PRIMPOL: variants seen among roughly 807,000 people sequenced by gnomAD.
The protein encoded by PRIMPOL is DNA-directed primase/polymerase protein.
Under a neutral mutation model 63.6 loss-of-function variants are expected in PRIMPOL, and 54 were observed. The observed-to-expected ratio is 0.85, with a 90% confidence interval of 0.68 to 1.07. PRIMPOL has a LOEUF of 1.07. PRIMPOL is among the 50% of genes least tolerant of loss of function. The pLI, the probability that PRIMPOL is intolerant of heterozygous loss-of-function variation, is 0.00. For missense variants in PRIMPOL, 610 were observed against 648.3 expected, an observed-to-expected ratio of 0.94 and a Z score of 0.64; for synonymous variants, 197 against 220.2, an observed-to-expected ratio of 0.89 and a Z score of 0.93.
intron 11 of PRIMPOL, among the ~76,000 whole-genome samples, chr4:184,686,950 C>A (rs560053865): frequency 4.1e-4 from 63 of 152,258 alleles, no homozygotes; most frequent in Non-Finnish European, 7.1e-4. Flanking sequence ...TTTTTCTATG[C>A]GTATTAACTT....
At chr4:184,678,453 G>A (rs923361545) in intron 8 of PRIMPOL, 59 bp downstream of exon 8, 8 of 1,221,636 alleles carry the variant, frequency 6.5e-6, no homozygotes, top group Non-Finnish European at 9.2e-6. Context: ...AACAGTGAAT[G>A]GCATTGTATA....
chr4:184,660,111 G>A (rs1482066649), intron 4 of PRIMPOL, among the ~76,000 whole-genome samples: 2 of 151,542 alleles, frequency 1.3e-5, no homozygotes, highest in Non-Finnish European at 2.9e-5. Context: ...GTGAGCCACT[G>A]TACCTGGCTT....
chr4:184,682,465 A>G, intron 9 of PRIMPOL, 129 bp downstream of exon 9: 2 of 548,464 alleles, frequency 3.6e-6, no homozygotes, highest in Non-Finnish European at 6.6e-6. Context: ...CTCCTGCCTC[A>G]GCCTCCGGAG....
chr4:184,654,748 G>A (rs1165235189), intron 2 of PRIMPOL, among the ~76,000 whole-genome samples: 14 of 152,014 alleles, frequency 9.2e-5, no homozygotes, highest in Admixed American at 3.9e-4. Flanking sequence ...CACCGCGCCC[G>A]GCTGAAGCAG....
chr4:184,658,053 CA>C (rs1338246703), intron 3 of PRIMPOL, among the ~76,000 whole-genome samples: 1 of 144,058 alleles, frequency 6.9e-6, no homozygotes, highest in Non-Finnish European at 1.5e-5. Context: ...AATCAAGCAA[CA>C]GATGTGTATT....
intron 7 of PRIMPOL, among the ~76,000 whole-genome samples, chr4:184,673,261 C>T (rs1355470315): frequency 6.6e-6 from 1 of 151,446 alleles, no homozygotes; most frequent in Non-Finnish European, 1.5e-5. Flanking sequence ...TCCGGAGTAG[C>T]TGGGACTACA....
intron 6 of PRIMPOL, among the ~76,000 whole-genome samples, 185 bp from the exon 7 acceptor site, chr4:184,671,988 C>A (rs953778670): frequency 1.3e-5 from 2 of 152,162 alleles, no homozygotes; most frequent in East Asian, 1.9e-4. Context: ...GATCCGCCCG[C>A]CTCGGCCTCC....
intron 11 of PRIMPOL, among the ~76,000 whole-genome samples, chr4:184,687,093 T>A (rs1171848008): frequency 2.6e-5 from 4 of 152,174 alleles, no homozygotes; most frequent in Non-Finnish European, 5.9e-5. Context: ...TTTTCTGAGA[T>A]GGAATCTCAC....
At chr4:184,666,696 C>T (rs558832362) in intron 6 of PRIMPOL, among the ~76,000 whole-genome samples, 67 of 152,344 alleles carry the variant, frequency 4.4e-4, no homozygotes, top group African/African-American at 1.6e-3. Flanking sequence ...GCCTTATCTG[C>T]AATCTCATTT....
rs1339832301 is a variant in PRIMPOL at position 184,672,198 on chromosome 4, G to T, written c.582G>T (p.Gln194His). ...GTAATTTTTTGAGAAAAATTTTGCA[G>T]CCTGCTCTTGACTTGCTTGGCAGTG... ...HVGNFLRKIL[Q>H]PALDLLGSED... The change falls in exon 7 of 14, where the codon CAG becomes CAT. Residue 194 changes from glutamine (Q) to histidine (H), a missense_variant. Transcript: ENST00000314970. The T allele has an allele frequency of 5.6e-6, 9 of 1,605,278 alleles. No homozygotes were observed. The highest frequency in any genetic ancestry group is 7.6e-6 in the Non-Finnish European group (9 of 1,177,698).
intron 7 of PRIMPOL, 125 bp downstream of exon 7, chr4:184,672,585 T>C (rs1752105824): frequency 3.4e-6 from 3 of 895,144 alleles, no homozygotes; most frequent in Non-Finnish European, 5.2e-6. Flanking sequence ...GCCAGCACGA[T>C]GCAACCAGTG....
chr4:184,651,741 C>T (rs769771429), intron 1 of PRIMPOL, among the ~76,000 whole-genome samples: 10 of 152,248 alleles, frequency 6.6e-5, no homozygotes, highest in Admixed American at 2.0e-4. Context: ...CTCCGCCTCC[C>T]GGGTTCACAT....
chr4:184,670,869 C>G (rs923747780), intron 6 of PRIMPOL, among the ~76,000 whole-genome samples: 5 of 152,088 alleles, frequency 3.3e-5, no homozygotes, highest in African/African-American at 1.2e-4. Context: ...GTAATTAAAT[C>G]TAATGTGAAG....
Position 184,682,265 on chromosome 4 carries a change from G to T in PRIMPOL, c.1025G>T (p.Arg342Leu). Residue 342 changes from arginine (R) to leucine (L), a missense_variant, in exon 9 of 14, where the codon CGA becomes CTA. Physicochemically the swap from Arg to Leu is moderately radical, Grantham distance 102. Transcript: ENST00000314970. Reference sequence around the variant, plus strand: ...TTCTTCAGGTTCTCAGATACTTTACGAATTCTTACATGTGAGCCATCTCAG... The same window carrying T: ...TTCTTCAGGTTCTCAGATACTTTACTAATTCTTACATGTGAGCCATCTCAG... ...VSNVRFSDTL[R>L]ILTCEPSQNK... 1 of 1,592,512 alleles carries T rather than the reference G, an allele frequency of 6.3e-7. No homozygotes were observed. Among genetic ancestry groups the T allele is most frequent in the Non-Finnish European group, 8.6e-7 (1 of 1,161,798 alleles).
intron 2 of PRIMPOL, among the ~76,000 whole-genome samples, chr4:184,652,999 AAG>A (rs1560922074): frequency 0.45 from 343 of 760 alleles, 28 homozygotes; most frequent in Admixed American, 0.57. Flanking sequence ...AGGAAGGAAG[AAG>A]GGAAGGAAGG....
At chr4:184,684,629 A>G (rs927912476) in intron 9 of PRIMPOL, among the ~76,000 whole-genome samples, 2 of 152,108 alleles carry the variant, frequency 1.3e-5, no homozygotes, top group African/African-American at 2.4e-5. Flanking sequence ...GTGAGCACAC[A>G]CCATGGGAAA....
chr4:184,673,639 A>G lies in PRIMPOL; in HGVS notation c.844+1179A>G, dbSNP rs1579463697. Among the ~76,000 whole-genome samples the G allele has an allele frequency of 4.1e-5, 6 of 144,936 alleles. No homozygotes were observed. In the South Asian group the frequency reaches 1.3e-3, roughly 32 times the overall value. On this transcript the variant is annotated intron_variant, in intron 7 of 13. Coordinates refer to ENST00000314970, the MANE Select transcript of PRIMPOL (RefSeq NM_152683.4). ...GGGGTTTCACCATGTTGGCCAGGCT[A>G]GTCTCAAACTCCTGACCTCGTGATC...
At chr4:184,658,375 G>A (rs1277392814) in intron 3 of PRIMPOL, among the ~76,000 whole-genome samples, 4 of 152,150 alleles carry the variant, frequency 2.6e-5, no homozygotes, top group Non-Finnish European at 5.9e-5. Flanking sequence ...ATAGGGGTAT[G>A]CTTGTTGGAC....
At chr4:184,691,747 G>A in intron 13 of PRIMPOL, 35 bp downstream of exon 13, 2 of 1,508,418 alleles carry the variant, frequency 1.3e-6, no homozygotes, top group African/African-American at 1.4e-5. Flanking sequence ...CTCCTTACCA[G>A]GGAGTTCTTG....
Sources: allele counts gnomAD v4.1 joint callset (sites outside exome capture counted in the v4.1 genomes callset), GRCh38; gene constraint gnomAD v4.1.1; transcripts MANE v1.5; gene names NCBI Gene and HGNC (gene_info 2026-07-23, HGNC 2026-07-21).